ESPN: variants seen among roughly 807,000 people sequenced by gnomAD.
ESPN encodes espin, also known as autosomal recessive deafness type 36 protein.
In ESPN, 68 loss-of-function variants were observed where a neutral mutation model predicts 77.7. That is an observed-to-expected ratio of 0.87 (90% confidence interval 0.72 to 1.07). The LOEUF (loss-of-function observed/expected upper bound fraction) is 1.07, where lower values mean the gene tolerates loss of function less well. Ranked by LOEUF, ESPN falls within the 50% of genes least tolerant of loss-of-function variation. The probability of loss-of-function intolerance (pLI) is 0.00; values close to 1 mark genes in which losing one functional copy is unlikely to be tolerated. For synonymous variants in ESPN, 449 were observed against 567.1 expected (o/e 0.79, Z 2.96); for missense variants, 1,060 against 1,239.0 (o/e 0.86, Z 2.17).
chr1:6,430,349 C>T (rs1380738132), intron 2 of ESPN, among the ~76,000 whole-genome samples: 2 of 152,202 alleles, frequency 1.3e-5, no homozygotes, highest in South Asian at 2.1e-4. Context: ...TGGGTGGCCA[C>T]GGGACGAGGA....
rs1409957801 is a variant in ESPN at position 6,427,404 on chromosome 1, C to T, written c.295-822C>T. Among the ~76,000 whole-genome samples, 1 of 152,184 alleles carries T rather than the reference C, an allele frequency of 6.6e-6. No homozygotes were observed. Among genetic ancestry groups the T allele is most frequent in the Non-Finnish European group, 1.5e-5 (1 of 68,024 alleles). On this transcript the variant is annotated intron_variant, in intron 1 of 12. Transcript: ENST00000645284. The surrounding 1 kb of genome is among the most constrained non-coding windows in gnomAD (Gnocchi z 4.6). ...TCCAGCCCCTTTCTCAGCAGACACA[C>T]ACAATGGGGTGTGCACTGATGACAC...
chr1:6,430,298 C>A (rs2148505455), intron 2 of ESPN, among the ~76,000 whole-genome samples: 1 of 152,290 alleles, frequency 6.6e-6, no homozygotes, highest in South Asian at 2.1e-4. Context: ...GAAGGGCTCC[C>A]GGACCTGCTG....
chr1:6,459,464 C>G (rs1270204584), intron 12 of ESPN, among the ~76,000 whole-genome samples: 1 of 152,182 alleles, frequency 6.6e-6, no homozygotes, highest in Non-Finnish European at 1.5e-5. Flanking sequence ...TGCAATCCAT[C>G]ACAATTTAGA....
rs1643140529 is a variant in ESPN at position 6,428,959 on chromosome 1, TTATC to T, written c.488+542_488+545del. Reference sequence around the variant, plus strand: ...TGGAGGCCATCCAGAGAGCATCTTGTTATCTCCTGTGGCCCCTCAGCCCGTTCCT... The same window carrying T: ...TGGAGGCCATCCAGAGAGCATCTTGTTCCTGTGGCCCCTCAGCCCGTTCCT... On this transcript the variant is annotated intron_variant, in intron 2 of 12. Transcript: ENST00000645284. The surrounding 1 kb of genome is among the most constrained non-coding windows in gnomAD (Gnocchi z 5.4). 6.6e-6 allele frequency among the ~76,000 whole-genome samples: 1 copy of T among 152,158 alleles called. No homozygotes were observed. Among genetic ancestry groups the T allele is most frequent in the African/African-American group, 2.4e-5 (1 of 41,442 alleles).
At chr1:6,438,026 C>T (rs932430135) in intron 2 of ESPN, among the ~76,000 whole-genome samples, 45 of 150,734 alleles carry the variant, frequency 3.0e-4, no homozygotes, top group African/African-American at 4.9e-5. Context: ...GGGATGAATG[C>T]GGGGTGGAGC....
At chr1:6,454,056 G>A (rs1644001919) in intron 10 of ESPN, among the ~76,000 whole-genome samples, 1 of 152,196 alleles carries the variant, frequency 6.6e-6, no homozygotes, top group African/African-American at 2.4e-5. Flanking sequence ...AGCCGCCCTC[G>A]GATGGGTTGG....
chr1:6,433,483 T>C (rs1361851057), intron 2 of ESPN, among the ~76,000 whole-genome samples: 4 of 152,012 alleles, frequency 2.6e-5, no homozygotes, highest in African/African-American at 9.7e-5. Context: ...GGTTCCTGCC[T>C]GTAGTCCCAG....
In ESPN at chr1:6,451,505, C is replaced by G. The variant is rs1431623789; in HGVS notation, c.1916-98C>G. 3 of 1,509,204 alleles carry G rather than the reference C, an allele frequency of 2.0e-6. No homozygotes were observed. The highest frequency in any genetic ancestry group is 2.7e-6 in the Non-Finnish European group (3 of 1,110,662). The allele number at this position is 1,509,204 out of a possible 1,614,324, so 93.5% of individuals were successfully genotyped here. A position where few individuals can be genotyped will look rare whatever the true frequency, so the allele number is the denominator to read the frequency against. ...CTGGCCCGGAGGATGGGCACCCATCCAATCTTGGCTTAGGAAAGGGGCTGC... is the reference window on the plus strand; with the variant it reads ...CTGGCCCGGAGGATGGGCACCCATCGAATCTTGGCTTAGGAAAGGGGCTGC... On this transcript the variant is annotated intron_variant, in intron 8 of 12. Coordinates refer to ENST00000645284, the MANE Select transcript of ESPN (RefSeq NM_031475.3). The surrounding 1 kb of genome is among the most constrained non-coding windows in gnomAD (Gnocchi z 4.3).
At position 6,440,967 on chromosome 1, in the gene ESPN, C is replaced by T; in HGVS notation, c.892C>T (p.Leu298=). ...GATCCTGGTAGTGAACGGCGCGGAG[C>T]TGGACGTCCGCGACCGCGACGGGTA... is the stretch of plus-strand genomic sequence containing the variant. The part of the protein sequence containing the change: ...CQILVVNGAE[L]DVRDRDGYTA... The change falls in exon 5 of 13, where the codon CTG becomes TTG. Residue 298 remains leucine, a synonymous_variant. Transcript: ENST00000645284. 1 of 1,601,702 alleles carries T rather than the reference C, an allele frequency of 6.2e-7. No individual in the cohort carries two copies. The highest frequency in any genetic ancestry group is 8.5e-7 in the Non-Finnish European group (1 of 1,175,404).
At chr1:6,448,614 GC>G in intron 7 of ESPN, 26 bp from the exon 8 acceptor site, 1 of 1,547,124 alleles carries the variant, frequency 6.5e-7, no homozygotes, top group African/African-American at 1.4e-5. Flanking sequence ...AGGTGCCCGA[GC>G]CCCACCGGTC....
Position 6,451,670 on chromosome 1 carries a change from A to G in ESPN, c.1983A>G (p.Ala661=). Residue 661 remains alanine, a synonymous_variant, in exon 9 of 13, where the codon GCA becomes GCG. Coordinates refer to ENST00000645284, the MANE Select transcript of ESPN (RefSeq NM_031475.3). This position sits in a 1 kb window ranked among gnomAD's most constrained non-coding sequence, Gnocchi z 4.3. ...CGGAGCTACTGGCTGAGATTAAGGCAGGCAAGAGCCTGAAGCCGACGCCCC... is the reference window on the plus strand; with the variant it reads ...CGGAGCTACTGGCTGAGATTAAGGCGGGCAAGAGCCTGAAGCCGACGCCCC... The part of the protein sequence containing the change: ...DNSELLAEIK[A]GKSLKPTPQS... The G allele has an allele frequency of 6.2e-7, 1 of 1,613,266 alleles. No homozygotes were observed. Among genetic ancestry groups the G allele is most frequent in the Non-Finnish European group, 8.5e-7 (1 of 1,179,962 alleles).
In ESPN at chr1:6,460,601, C is replaced by T. The variant is rs959848001; in HGVS notation, c.*455C>T. 4 of 169,574 alleles carry T rather than the reference C, an allele frequency of 2.4e-5. No individual in the cohort carries two copies. The highest frequency in any genetic ancestry group is 9.6e-5 in the African/African-American group (4 of 41,640). The allele number at this position is 169,574 out of a possible 1,614,324, so 10.5% of individuals were successfully genotyped here. A position where few individuals can be genotyped will look rare whatever the true frequency, so the allele number is the denominator to read the frequency against. ...AGCTCGGGGAAGGGGTTTTCCCTTC[C>T]TCTCTGACCCAGATCTGCGCGCGGC... On this transcript the variant is annotated 3_prime_UTR_variant, in exon 13 of 13. Coordinates refer to ENST00000645284, the MANE Select transcript of ESPN (RefSeq NM_031475.3).
Position 6,424,790 on chromosome 1 carries a change from C to A in ESPN, c.-166C>A, listed in dbSNP as rs917979976. On this transcript the variant is annotated 5_prime_UTR_variant, in exon 1 of 13. Transcript: ENST00000645284. ...GCTCCGGCCCCAGAGCGCGGCGGAGCGGAGCGCCAGGCAGCGCGGAGCGGA... is the reference window on the plus strand; with the variant it reads ...GCTCCGGCCCCAGAGCGCGGCGGAGAGGAGCGCCAGGCAGCGCGGAGCGGA... The A allele has an allele frequency of 1.4e-6, 1 of 701,062 alleles. No homozygotes were observed. The highest frequency in any genetic ancestry group is 1.9e-6 in the Non-Finnish European group (1 of 513,376). 43.4% of individuals were successfully genotyped at this position (701,062 alleles called of 1,614,324 possible).
Position 6,428,357 on chromosome 1 carries a change from C to T in ESPN, c.426C>T (p.Ile142=). 6.2e-7 allele frequency: 1 copy of T among 1,613,116 alleles called. No individual in the cohort carries two copies. Among genetic ancestry groups the T allele is most frequent in the Non-Finnish European group, 8.5e-7 (1 of 1,179,914 alleles). The change falls in exon 2 of 13, where the codon ATC becomes ATT. Residue 142 remains isoleucine (I), a synonymous_variant. Coordinates refer to ENST00000645284, the MANE Select transcript of ESPN (RefSeq NM_031475.3). This position sits in a 1 kb window ranked among gnomAD's most constrained non-coding sequence, Gnocchi z 5.4. ...TAATDMGALP[I]HYAAAKGDFP... ...CCACAGACATGGGCGCCCTGCCTAT[C>T]CACTACGCTGCCGCCAAAGGAGACT...
rs200463063 is a variant in ESPN, at chr1:6,460,028, A to G, written c.2447A>G (p.Glu816Gly). ...GAGGAGGAGCGACAGAAGCAGGAGG[A>G]GCTGCGGCGGGAGAAGGAACAGTCA... ...RKEEERQKQE[E>G]LRREKEQSEK... The change falls in exon 13 of 13, where the codon GAG (glutamate) becomes GGG (glycine). Residue 816 changes from glutamate to glycine, a missense_variant. This residue lies in a region of ESPN where 374 missense variants were observed against 381.4 expected (regional missense o/e 0.98). Transcript: ENST00000645284. 4 of 1,613,668 alleles carry G rather than the reference A, an allele frequency of 2.5e-6. No homozygotes were observed. The highest frequency in any genetic ancestry group is 4.5e-5 in the East Asian group (2 of 44,876).
rs1557710578 is a variant in ESPN, at chr1:6,447,734, G to T, written c.1465-907G>T. ...TCCAGATGCAGGAGGGGAAGGGTGG[G>T]GACGCGACCCGGAGCCGGGGGCCAA... On this transcript the variant is annotated intron_variant, in intron 7 of 12. Transcript: ENST00000645284. This position sits in a 1 kb window ranked among gnomAD's most constrained non-coding sequence, Gnocchi z 5.2. Among the ~76,000 whole-genome samples, 2 of 152,260 alleles carry T rather than the reference G, an allele frequency of 1.3e-5. No homozygotes were observed. The highest frequency in any genetic ancestry group is 3.4e-3 in the Middle Eastern group (1 of 294).
intron 2 of ESPN, among the ~76,000 whole-genome samples, chr1:6,436,482 C>T (rs1643441076): frequency 2.1e-5 from 3 of 145,076 alleles, no homozygotes; most frequent in African/African-American, 7.7e-5. Flanking sequence ...GGAATTTTTT[C>T]TTATTTATTT....
At position 6,425,129 on chromosome 1, in the gene ESPN, A is replaced by C; in HGVS notation, c.174A>C (p.Glu58Asp). The C allele has an allele frequency of 6.6e-7, 1 of 1,508,740 alleles. No individual in the cohort carries two copies. Among genetic ancestry groups the C allele is most frequent in the Non-Finnish European group, 8.8e-7 (1 of 1,136,768 alleles). 93.5% of individuals were successfully genotyped at this position (1,508,740 alleles called of 1,614,324 possible). A position where few individuals can be genotyped will look rare whatever the true frequency, so the allele number is the denominator to read the frequency against. ...KLHCLRFLVE[E>D]AALPAAARAR... is the part of the protein sequence containing the mutation. The stretch of plus-strand genomic sequence containing the variant: ...ACTGTCTGCGCTTCCTGGTGGAGGA[A>C]GCCGCCCTCCCCGCCGCGGCCCGCG... The change falls in exon 1 of 13, where the codon GAA becomes GAC. Residue 58 changes from glutamate (E) to aspartate (D), a missense_variant. Coordinates refer to ENST00000645284, the MANE Select transcript of ESPN (RefSeq NM_031475.3).
chr1:6,455,625 G>A (rs533115792), intron 10 of ESPN: 114 of 399,350 alleles, frequency 2.9e-4, no homozygotes, highest in African/African-American at 1.1e-3. Flanking sequence ...CCCGCACTAC[G>A]ACAGCCTCAC....
Sources: gnomAD v4.1 joint callset for allele counts (sites outside exome capture counted in the v4.1 genomes callset) on GRCh38, gnomAD v4.1.1 for gene constraint, gnomAD v4.1.1 regional missense constraint, Gnocchi (gnomAD v3.1) non-coding constraint, MANE v1.5 for transcripts, NCBI Gene and HGNC (gene_info 2026-07-23, HGNC 2026-07-21) for gene names.